THEM5: variants seen among roughly 807,000 people sequenced by gnomAD.
The protein encoded by THEM5 is thioesterase superfamily member 5.
In THEM5, 28 loss-of-function variants were observed where a neutral mutation model predicts 24.2. The observed-to-expected ratio is 1.16, with a 90% CI of 0.86 to 1.59. The LOEUF (loss-of-function observed/expected upper bound fraction) is 1.59, where lower values mean the gene tolerates loss of function less well. Ranked by LOEUF, THEM5 falls within the 40% of genes most tolerant of loss-of-function variation. The pLI is 0.00. For synonymous variants in THEM5, 87 were observed against 114.5 expected, an observed-to-expected ratio of 0.76 and a Z score of 1.53; for missense variants, 260 against 296.8, an observed-to-expected ratio of 0.88 and a Z score of 0.91.
intron 3 of THEM5, 65 bp downstream of exon 3, chr1:151,850,988 G>A: frequency 6.3e-7 from 1 of 1,594,182 alleles, no homozygotes; most frequent in Non-Finnish European, 8.6e-7. Context: ...CCAGCCTGGT[G>A]GGTGCTGAAC....
intron 1 of THEM5, among the ~76,000 whole-genome samples, chr1:151,852,851 G>T (rs1465192137): frequency 6.6e-6 from 1 of 151,700 alleles, no homozygotes; most frequent in African/African-American, 2.4e-5. Flanking sequence ...GACTGTGAGA[G>T]CTGGTGGTCG....
chr1:151,850,294 A>G (rs898360878), intron 3 of THEM5: 8 of 152,264 alleles, frequency 5.3e-5, no homozygotes, highest in African/African-American at 1.9e-4. Flanking sequence ...GATGGAAGAG[A>G]AGGGGGACAA....
intron 3 of THEM5, chr1:151,850,493 G>T (rs538593940): frequency 6.5e-6 from 1 of 152,824 alleles, no homozygotes. Context: ...GCTGCCTCGG[G>T]CAAGTTACTT....
intron 1 of THEM5, among the ~76,000 whole-genome samples, chr1:151,852,955 T>G (rs1010301293): frequency 1.3e-5 from 2 of 152,148 alleles, no homozygotes; most frequent in Non-Finnish European, 2.9e-5. Context: ...CTCTGCCCAC[T>G]GCTGTGGGCC....
chr1:151,849,879 C>A (rs1653061462), intron 3 of THEM5, among the ~76,000 whole-genome samples: 1 of 152,214 alleles, frequency 6.6e-6, no homozygotes, highest in Non-Finnish European at 1.5e-5. Flanking sequence ...GACCCCCAAC[C>A]CCTCAATCCA....
intron 1 of THEM5, among the ~76,000 whole-genome samples, chr1:151,853,187 T>C (rs537735753): frequency 6.6e-6 from 1 of 152,354 alleles, no homozygotes; most frequent in Admixed American, 6.5e-5. Context: ...GCTGCAGTAG[T>C]CTGAGTCCCA....
chr1:151,853,520 T>G lies in THEM5; in HGVS notation c.46A>C (p.Arg16=). 6.2e-7 allele frequency: 1 copy of G among 1,613,832 alleles called. No individual in the cohort carries two copies. The highest frequency in any genetic ancestry group is 8.5e-7 in the Non-Finnish European group (1 of 1,179,850). The change falls in exon 1 of 6, where the codon AGA becomes CGA. Residue 16 remains arginine, a synonymous_variant. Coordinates refer to ENST00000368817, the MANE Select transcript of THEM5 (RefSeq NM_182578.4). ...FQVAARLGHH[R]GLLEAPRILP... ...ATACGGGGGGCCTCAAGAAGGCCTCTGTGGTGGCCAAGTCTTGCTGCCACC... is the reference window on the plus strand; with the variant it reads ...ATACGGGGGGCCTCAAGAAGGCCTCGGTGGTGGCCAAGTCTTGCTGCCACC...
intron 3 of THEM5, 74 bp downstream of exon 3, chr1:151,850,979 C>T: frequency 1.3e-6 from 2 of 1,577,828 alleles, no homozygotes; most frequent in South Asian, 1.1e-5. Flanking sequence ...ACTCCAGGGC[C>T]AGCCTGGTGG....
At position 151,848,191 on chromosome 1, in the gene THEM5, C is replaced by T. The variant is rs1032415035; in HGVS notation, c.566G>A (p.Arg189Lys). The T allele has an allele frequency of 1.2e-6, 2 of 1,614,184 alleles. No homozygotes were observed. The highest frequency in any genetic ancestry group is 3.3e-5 in the Admixed American group (2 of 60,020). ...EGLFTLSLNI[R>K]FKNLIPVDSL... is the part of the protein sequence containing the mutation. ...AGGGGCCCATACTTACTTTTTGAAC[C>T]TGATGTTGAGACTTAGTGTGAACAG... Residue 189 changes from arginine to lysine, a missense_variant, in exon 4 of 6, where the codon AGG becomes AAG. By Grantham distance (26) the Arg-to-Lys change is conservative. Transcript: ENST00000368817.
intron 1 of THEM5, 87 bp downstream of exon 1, chr1:151,853,356 A>G: frequency 6.7e-7 from 1 of 1,490,188 alleles, no homozygotes. Context: ...TGCCCTGGCC[A>G]TGGGCTGGGA....
intron 1 of THEM5, among the ~76,000 whole-genome samples, chr1:151,852,975 A>AG (rs1452331426): frequency 5.3e-5 from 8 of 152,234 alleles, no homozygotes; most frequent in African/African-American, 1.9e-4. Context: ...CTGCCTGGGC[A>AG]GGGTGGCTCC....
At chr1:151,850,178 C>T (rs1653069048) in intron 3 of THEM5, 1 of 152,332 alleles carries the variant, frequency 6.6e-6, no homozygotes, top group African/African-American at 2.4e-5. Context: ...TTAAGCCCCT[C>T]TCAGGCTTCA....
Position 151,851,201 on chromosome 1 carries a change from G to GA in THEM5, c.326-11dup. On this transcript the variant is annotated splice_polypyrimidine_tract_variant and intron_variant, in intron 2 of 5. Coordinates refer to ENST00000368817, the MANE Select transcript of THEM5 (RefSeq NM_182578.4). ...CGACAGTCACCTTTGTCTGGGGAGAGATAGGCAGTGTTGCAGCCGGAGAAG... is the reference window on the plus strand; with the variant it reads ...CGACAGTCACCTTTGTCTGGGGAGAGAATAGGCAGTGTTGCAGCCGGAGAAG... 6.2e-7 allele frequency: 1 copy of GA among 1,614,168 alleles called. No homozygotes were observed. Among genetic ancestry groups the GA allele is most frequent in the African/African-American group, 1.3e-5 (1 of 75,050 alleles).
In THEM5 at chr1:151,851,166, G is replaced by C. The variant is rs776101952; in HGVS notation, c.351C>G (p.Thr117=). 6.2e-7 allele frequency: 1 copy of C among 1,614,090 alleles called. No homozygotes were observed. The highest frequency in any genetic ancestry group is 1.3e-5 in the African/African-American group (1 of 74,934). Residue 117 remains threonine (T), a synonymous_variant, in exon 3 of 6, where the codon ACC becomes ACG. Coordinates refer to ENST00000368817, the MANE Select transcript of THEM5 (RefSeq NM_182578.4). ...SSDKGDCRIF[T]RCIQVEGQGF... ...CTTGTCCTTCCACTTGGATGCACCT[G>C]GTGAAGATGCGACAGTCACCTTTGT...
chr1:151,847,685 G>C, intron 5 of THEM5, 53 bp downstream of exon 5: 7 of 1,599,054 alleles, frequency 4.4e-6, no homozygotes, highest in Non-Finnish European at 6.0e-6. Flanking sequence ...TGTTTGTTCT[G>C]GGGGTGGGTG....
In THEM5 at chr1:151,847,416, T is replaced by G. The variant is rs1239985865; in HGVS notation, c.701-2A>C. 6 of 1,614,000 alleles carry G rather than the reference T, an allele frequency of 3.7e-6. 1 individual carries two copies. In the South Asian group the frequency reaches 6.6e-5, roughly 18 times the overall value. On this transcript the variant is annotated splice_acceptor_variant, in intron 5 of 5. Coordinates refer to ENST00000368817, the MANE Select transcript of THEM5 (RefSeq NM_182578.4). LOFTEE classifies it high-confidence loss of function. ...CCAACTGCAGCTGAAGGAAAACACC[T>G]GCAAGAGAAGGGTGAGTTGAGCTGC...
intron 3 of THEM5, among the ~76,000 whole-genome samples, chr1:151,850,584 G>A (rs1653078686): frequency 6.6e-6 from 1 of 152,128 alleles, no homozygotes; most frequent in African/African-American, 2.4e-5. Context: ...TGTGCTTTAC[G>A]GTTCATGAGC....
In THEM5 at chr1:151,853,642, G is replaced by A. The variant is rs1056282828; in HGVS notation, c.-77C>T. ...CCAAGGAGTGCTTTCAGCTGCACTT[G>A]GGGCCGCTTCTCTCCCTTCTGTTGC... is the stretch of plus-strand genomic sequence containing the variant. On this transcript the variant is annotated 5_prime_UTR_variant, in exon 1 of 6. Coordinates refer to ENST00000368817, the MANE Select transcript of THEM5 (RefSeq NM_182578.4). The A allele has an allele frequency of 1.3e-6, 2 of 1,488,202 alleles. No individual in the cohort carries two copies. Among genetic ancestry groups the A allele is most frequent in the Admixed American group, 2.2e-5 (1 of 46,224 alleles). The allele number at this position is 1,488,202 out of a possible 1,614,324, so 92.2% of individuals were successfully genotyped here.
At chr1:151,848,331 G>T in intron 3 of THEM5, 39 bp from the exon 4 acceptor site, 2 of 1,547,888 alleles carry the variant, frequency 1.3e-6, no homozygotes, top group Non-Finnish European at 1.8e-6. Context: ...GCCTGGGCTG[G>T]GGCTGCTGGG....
Sources: gnomAD v4.1 joint callset for allele counts (sites outside exome capture counted in the v4.1 genomes callset) on GRCh38, gnomAD v4.1.1 for gene constraint, MANE v1.5 for transcripts, NCBI Gene and HGNC (gene_info 2026-07-23, HGNC 2026-07-21) for gene names.